Variants in PSD3 observed in about 807,000 individuals in gnomAD.
The protein encoded by PSD3 is PH and SEC7 domain-containing protein 3.
Under a neutral mutation model 105.5 loss-of-function variants are expected in PSD3, and 49 were observed. The observed-to-expected ratio is 0.46, with a 90% confidence interval of 0.37 to 0.59. The LOEUF (loss-of-function observed/expected upper bound fraction) is 0.59, where lower values mean the gene tolerates loss of function less well. Ranked by LOEUF, PSD3 falls within the 20% of genes least tolerant of loss-of-function variation. The pLI, the probability that PSD3 is intolerant of heterozygous loss-of-function variation, is 0.00. For missense variants in PSD3, 1,561 were observed against 1,263.8 expected (o/e 1.24, Z -3.57); for synonymous variants, 557 against 457.8 (o/e 1.22, Z -2.77).
chr8:18,893,812 T>C (rs927142256), intron 2 of PSD3, among the ~76,000 whole-genome samples: 1 of 152,240 alleles, frequency 6.6e-6, no homozygotes, highest in Non-Finnish European at 1.5e-5. Context: ...ACAGGCAACA[T>C]GCTCTCCCAG....
At chr8:18,537,819 G>A (rs1739545704) in intron 15 of PSD3, among the ~76,000 whole-genome samples, 2 of 152,148 alleles carry the variant, frequency 1.3e-5, no homozygotes, top group Admixed American at 6.5e-5. Context: ...TAGGATTACA[G>A]GCGCACACCA....
At chr8:19,011,339 GA>G (rs1017351960) in intron 1 of PSD3, among the ~76,000 whole-genome samples, 14 of 151,708 alleles carry the variant, frequency 9.2e-5, no homozygotes, top group Admixed American at 7.2e-4. Flanking sequence ...TTCTATAAAA[GA>G]AAAAAAATCA....
At chr8:18,701,474 C>G (rs979131096) in intron 9 of PSD3, among the ~76,000 whole-genome samples, 2 of 152,110 alleles carry the variant, frequency 1.3e-5, no homozygotes, top group Non-Finnish European at 2.9e-5. Flanking sequence ...TACTATGTAT[C>G]AAGAAACCTT....
At chr8:18,740,734 C>G (rs1804506325) in intron 9 of PSD3, among the ~76,000 whole-genome samples, 3 of 152,178 alleles carry the variant, frequency 2.0e-5, no homozygotes, top group African/African-American at 7.2e-5. Flanking sequence ...TGGAAATCCT[C>G]TCTCTCACTC....
chr8:18,615,848 C>G (rs991641375), intron 11 of PSD3, among the ~76,000 whole-genome samples: 1 of 152,150 alleles, frequency 6.6e-6, no homozygotes, highest in African/African-American at 2.4e-5. Flanking sequence ...GAAGACCCTG[C>G]TGTGCACGCA....
rs530776164 is a variant in PSD3 at position 18,635,685 on chromosome 8, T to G, written c.2217-2879A>C. Among the ~76,000 whole-genome samples, 9 of 152,132 alleles carry G rather than the reference T, an allele frequency of 5.9e-5. No individual in the cohort carries two copies. In the East Asian group the frequency reaches 1.7e-3, roughly 30 times the overall value. Reference sequence around the variant, plus strand: ...TAAAGAAAATGTGGCACATATACACTATGGAATACTATGGAGTCATAAAAA... The same window carrying G: ...TAAAGAAAATGTGGCACATATACACGATGGAATACTATGGAGTCATAAAAA... On this transcript the variant is annotated intron_variant, in intron 10 of 15. Coordinates refer to ENST00000327040, the MANE Select transcript of PSD3 (RefSeq NM_015310.4).
intron 3 of PSD3, among the ~76,000 whole-genome samples, chr8:18,869,627 C>T (rs561544787): frequency 2.4e-4 from 37 of 152,340 alleles, no homozygotes; most frequent in South Asian, 2.3e-3. Flanking sequence ...CTAGCTGGAA[C>T]ATTCTTCCTA....
rs539391328 is a variant in PSD3, at chr8:19,012,246, T to G, written c.21+1317A>C. ...CTTGTGGATGGATATAAAAAGGTTG[T>G]GGAAGGACATCCAGCCAGCCACTAA... On this transcript the variant is annotated intron_variant, in intron 1 of 15. Coordinates refer to ENST00000327040, the MANE Select transcript of PSD3 (RefSeq NM_015310.4). 1.1e-4 allele frequency among the ~76,000 whole-genome samples: 16 copies of G among 152,334 alleles called. No homozygotes were observed. The East Asian group carries it at 3.1e-3, about 29-fold the overall frequency.
rs1263742628 is a variant in PSD3 at position 19,029,246 on chromosome 8, G to C, written c.324+54960C>G. Among the ~76,000 whole-genome samples the C allele has an allele frequency of 2.6e-5, 4 of 152,136 alleles. No homozygotes were observed. In the East Asian group the frequency reaches 7.7e-4, roughly 29 times the overall value. On this transcript the variant is annotated intron_variant, in intron 1 of 1. Transcript: ENST00000521475. ...GGCACTGAATCTGTAGGTCAGCTTG[G>C]AGGGAATTGAAAATCTCAACAATTT... is the stretch of plus-strand genomic sequence containing the variant.
intron 9 of PSD3, among the ~76,000 whole-genome samples, chr8:18,747,530 T>C (rs1805129827): frequency 6.6e-6 from 1 of 152,150 alleles, no homozygotes; most frequent in Admixed American, 6.5e-5. Flanking sequence ...TCAGAAAACA[T>C]ACCTTAGCAT....
At chr8:18,982,511 C>T (rs1392450592) in intron 1 of PSD3, among the ~76,000 whole-genome samples, 1 of 152,162 alleles carries the variant, frequency 6.6e-6, no homozygotes, top group Non-Finnish European at 1.5e-5. Flanking sequence ...CTATCTATAG[C>T]AGCTACAGAC....
chr8:18,828,748 G>A (rs1342469545), intron 4 of PSD3, among the ~76,000 whole-genome samples: 1 of 152,014 alleles, frequency 6.6e-6, no homozygotes, highest in Admixed American at 6.6e-5. Context: ...ATCACATGAG[G>A]CCAGAAGTTT....
At chr8:18,728,625 T>C (rs1222127270) in intron 9 of PSD3, among the ~76,000 whole-genome samples, 1 of 152,190 alleles carries the variant, frequency 6.6e-6, no homozygotes, top group Admixed American at 6.5e-5. Flanking sequence ...CCAAAGCTGC[T>C]GGGGTGGGCA....
chr8:19,047,944 T>C (rs1408802313), intron 1 of PSD3, among the ~76,000 whole-genome samples: 1 of 150,520 alleles, frequency 6.6e-6, no homozygotes, highest in African/African-American at 2.4e-5. Flanking sequence ...CTAGATTTCT[T>C]TTTTTTTTAA....
intron 8 of PSD3, among the ~76,000 whole-genome samples, chr8:18,778,284 T>C (rs1385022394): frequency 6.6e-6 from 1 of 152,186 alleles, no homozygotes; most frequent in Non-Finnish European, 1.5e-5. Flanking sequence ...TATTAGAGAA[T>C]AGACACACTG....
intron 9 of PSD3, among the ~76,000 whole-genome samples, chr8:18,748,971 G>T (rs1034670174): frequency 5.3e-5 from 8 of 152,176 alleles, no homozygotes; most frequent in African/African-American, 1.9e-4. Context: ...AAGAAAATCA[G>T]ATTTCACATT....
At chr8:18,712,401 A>T (rs1349336897) in intron 9 of PSD3, among the ~76,000 whole-genome samples, 1 of 152,110 alleles carries the variant, frequency 6.6e-6, no homozygotes, top group East Asian at 1.9e-4. Flanking sequence ...AAGAAGAAAA[A>T]ATAATTGAAT....
At position 18,533,719 on chromosome 8, in the gene PSD3, G is replaced by A. The variant is rs1283702031; in HGVS notation, c.*2024C>T. ...CCCTCGGCTTAGTATAAACATTTAGGCAGAAAACAAATATCCTGATAATTT... is the reference window on the plus strand; with the variant it reads ...CCCTCGGCTTAGTATAAACATTTAGACAGAAAACAAATATCCTGATAATTT... On this transcript the variant is annotated 3_prime_UTR_variant, in exon 16 of 16. Transcript: ENST00000327040. 1.3e-5 allele frequency: 2 copies of A among 152,064 alleles called. No homozygotes were observed. The highest frequency in any genetic ancestry group is 2.9e-5 in the Non-Finnish European group (2 of 68,018). 9.4% of individuals were successfully genotyped at this position (152,064 alleles called of 1,614,324 possible).
intron 4 of PSD3, among the ~76,000 whole-genome samples, chr8:18,863,403 C>A (rs939500454): frequency 6.6e-6 from 1 of 152,016 alleles, no homozygotes; most frequent in Non-Finnish European, 1.5e-5. Flanking sequence ...CACCGCTGAC[C>A]CCCGGTCAGC....
Sources: gnomAD v4.1 joint callset for allele counts (sites outside exome capture counted in the v4.1 genomes callset) on GRCh38, gnomAD v4.1.1 for gene constraint, MANE v1.5 for transcripts, NCBI Gene and HGNC (gene_info 2026-07-23, HGNC 2026-07-21) for gene names.